Variants in CAST observed in about 807,000 individuals in gnomAD.
The protein encoded by CAST is calpastatin.
Under a neutral mutation model 119.6 loss-of-function variants are expected in CAST, and 76 were observed. The observed-to-expected ratio is 0.64, with a 90% CI of 0.53 to 0.77. CAST has a LOEUF of 0.77. Ranked by LOEUF, CAST falls within the 30% of genes least tolerant of loss-of-function variation. The pLI is 0.00. For missense variants in CAST, 953 were observed against 946.5 expected (o/e 1.01, Z -0.09); for synonymous variants, 319 against 331.6 (o/e 0.96, Z 0.41).
At chr5:96,390,613 T>A in the CAST span, 1 of 152,646 alleles carries the variant, frequency 6.6e-6, no homozygotes, top group Admixed American at 6.5e-5. Flanking sequence ...ACTTTCTTAT[T>A]CTCAGGAAAA....
the CAST span, among the ~76,000 whole-genome samples, chr5:96,115,217 C>T: frequency 2.0e-5 from 3 of 152,206 alleles, no homozygotes; most frequent in Non-Finnish European, 4.4e-5. Context: ...CACATCTGTG[C>T]TCTCAACAGT....
chr5:96,140,020 T>C, the CAST span, among the ~76,000 whole-genome samples: 1 of 152,340 alleles, frequency 6.6e-6, no homozygotes, highest in Non-Finnish European at 1.5e-5. Flanking sequence ...CATATTGATA[T>C]TCAAATGGAG....
At chr5:96,067,443 A>G in the CAST span, among the ~76,000 whole-genome samples, 2 of 152,194 alleles carry the variant, frequency 1.3e-5, no homozygotes, top group Admixed American at 1.3e-4. Flanking sequence ...CATTAGGAAT[A>G]CATTTGTGGC....
At chr5:96,651,532 G>C (rs567200979) in intron 1 of CAST, among the ~76,000 whole-genome samples, 1 of 152,036 alleles carries the variant, frequency 6.6e-6, no homozygotes, top group Non-Finnish European at 1.5e-5. Flanking sequence ...TGTAAGCTTC[G>C]CATCTCACCT....
chr5:96,322,372 C>A, the CAST span, among the ~76,000 whole-genome samples: 1 of 152,162 alleles, frequency 6.6e-6, no homozygotes, highest in Non-Finnish European at 1.5e-5. Flanking sequence ...GGGACACCAA[C>A]AATGAACTTT....
chr5:96,187,336 C>T, the CAST span, among the ~76,000 whole-genome samples: 47 of 152,072 alleles, frequency 3.1e-4, no homozygotes, highest in African/African-American at 1.1e-3. Context: ...TTTCATGTCT[C>T]TGTCTCCTTC....
the CAST span, among the ~76,000 whole-genome samples, chr5:96,096,710 C>T: frequency 4.6e-5 from 7 of 152,174 alleles, no homozygotes; most frequent in Non-Finnish European, 8.8e-5. Context: ...TTTCCATTAC[C>T]GTCTGCAGCA....
intron 25 of CAST, chr5:96,763,117 T>C (rs1768574577): frequency 3.9e-6 from 3 of 779,112 alleles, no homozygotes; most frequent in Admixed American, 1.7e-5. Context: ...GAAGTAACTT[T>C]AGCGAAGTCA....
At chr5:96,385,385 T>C in the CAST span, among the ~76,000 whole-genome samples, 1 of 152,190 alleles carries the variant, frequency 6.6e-6, no homozygotes, top group African/African-American at 2.4e-5. Context: ...AATTTGGAAG[T>C]AAAGCTAAAA....
chr5:96,024,367 C>T, the CAST span, among the ~76,000 whole-genome samples: 1 of 152,112 alleles, frequency 6.6e-6, no homozygotes, highest in African/African-American at 2.4e-5. Flanking sequence ...ACTTGAAAAT[C>T]ACGGAACAAT....
chr5:95,981,824 G>A, the CAST span, among the ~76,000 whole-genome samples: 12 of 152,070 alleles, frequency 7.9e-5, no homozygotes, highest in African/African-American at 2.9e-4. Flanking sequence ...GCAGTGAGCC[G>A]ACATCGCACC....
chr5:96,109,949 A>C, the CAST span, among the ~76,000 whole-genome samples: 19 of 152,168 alleles, frequency 1.2e-4, no homozygotes, highest in African/African-American at 4.1e-4. Context: ...AAAAAGAAAA[A>C]AAATAAAGCA....
intron 1 of CAST, among the ~76,000 whole-genome samples, chr5:96,668,144 A>G (rs1209987336): frequency 8.7e-6 from 1 of 114,336 alleles, no homozygotes; most frequent in Non-Finnish European, 1.7e-5. Flanking sequence ...CAGCACAGAC[A>G]CGCGTGCACA....
At chr5:96,432,192 T>A in the CAST span, 1 of 1,477,562 alleles carries the variant, frequency 6.8e-7, no homozygotes, top group South Asian at 1.2e-5. Flanking sequence ...CTTTATAAGT[T>A]CCCAGTGAAA....
At chr5:96,083,654 G>A in the CAST span, among the ~76,000 whole-genome samples, 1 of 152,228 alleles carries the variant, frequency 6.6e-6, no homozygotes, top group African/African-American at 2.4e-5. Flanking sequence ...CTGTAGAATT[G>A]TTTTGGCTTG....
At chr5:96,712,034 C>T (rs2150360734) in intron 3 of CAST, among the ~76,000 whole-genome samples, 1 of 152,290 alleles carries the variant, frequency 6.6e-6, no homozygotes, top group Non-Finnish European at 1.5e-5. Context: ...ATAGGACACC[C>T]TTACCCTATA....
chr5:96,099,558 G>A, the CAST span, among the ~76,000 whole-genome samples: 2 of 152,048 alleles, frequency 1.3e-5, no homozygotes, highest in Non-Finnish European at 2.9e-5. Flanking sequence ...TTATCAAAAG[G>A]TTTTTCTGCA....
chr5:96,396,954 T>C, the CAST span, among the ~76,000 whole-genome samples: 1 of 152,248 alleles, frequency 6.6e-6, no homozygotes, highest in East Asian at 1.9e-4. Context: ...GCCTTTAAGA[T>C]GTGACTCTGG....
intron 20 of CAST, among the ~76,000 whole-genome samples, chr5:96,753,277 G>A (rs1765550361): frequency 6.6e-6 from 1 of 152,110 alleles, no homozygotes; most frequent in Non-Finnish European, 1.5e-5. Context: ...ATGGATTACA[G>A]GTGTGAGCCA....
Sources: allele counts gnomAD v4.1 joint callset (sites outside exome capture counted in the v4.1 genomes callset), GRCh38; gene constraint gnomAD v4.1.1; transcripts MANE v1.5; gene names NCBI Gene and HGNC (gene_info 2026-07-23, HGNC 2026-07-21).